Variants in DMD observed in about 807,000 individuals in gnomAD.
The protein encoded by DMD is mutant dystrophin.
Under a neutral mutation model 330.1 loss-of-function variants are expected in DMD, and 63 were observed. The ratio of observed to expected loss-of-function variants is 0.19; its 90% CI spans 0.16 to 0.24. The LOEUF is 0.24. Among genes scored for constraint, DMD ranks in the 10% least tolerant of loss-of-function variants. The probability of loss-of-function intolerance (pLI) is 1.00; values close to 1 mark genes in which losing one functional copy is unlikely to be tolerated. For synonymous variants in DMD, 1,223 were observed against 959.8 expected, an observed-to-expected ratio of 1.27 and a Z score of -5.07; for missense variants, 3,344 against 2,684.1, an observed-to-expected ratio of 1.25 and a Z score of -5.43.
intron 50 of DMD, among the ~76,000 whole-genome samples, chrX:31,802,018 T>C (rs981681858): frequency 4.5e-5 from 5 of 111,240 alleles, no homozygotes; most frequent in Non-Finnish European, 7.5e-5. Flanking sequence ...GCAATGGCTT[T>C]AAAAAACAGA....
intron 55 of DMD, among the ~76,000 whole-genome samples, chrX:31,560,860 T>C (rs2075154391): frequency 1.8e-5 from 2 of 112,582 alleles, no homozygotes; most frequent in African/African-American, 3.2e-5. Context: ...ATATATTACA[T>C]ATAACAATGC....
intron 60 of DMD, among the ~76,000 whole-genome samples, chrX:31,406,065 G>T (rs1396495724): frequency 1.8e-5 from 2 of 112,100 alleles, no homozygotes; most frequent in Non-Finnish European, 3.8e-5. Flanking sequence ...TCATTTACAT[G>T]AGCTCTTGAG....
intron 1 of DMD, among the ~76,000 whole-genome samples, chrX:33,336,576 A>G (rs756769454): frequency 6.2e-4 from 69 of 111,388 alleles, no homozygotes; most frequent in Non-Finnish European, 1.0e-3. Context: ...AAAGAGATAA[A>G]TAATTGTTTT....
chrX:31,338,021 G>C (rs1207074336), intron 61 of DMD, among the ~76,000 whole-genome samples: 1 of 111,074 alleles, frequency 9.0e-6, no homozygotes, highest in Non-Finnish European at 1.9e-5. Context: ...TACTGAGCTG[G>C]TTCACCCAGC....
chrX:32,435,788 A>T (rs2098258934), intron 29 of DMD, among the ~76,000 whole-genome samples: 1 of 111,120 alleles, frequency 9.0e-6, no homozygotes, highest in Admixed American at 9.6e-5. Context: ...ACCCCACTTT[A>T]CCCAGAAGAC....
chrX:33,192,309 A>T (rs912061418), intron 1 of DMD, among the ~76,000 whole-genome samples: 7 of 111,872 alleles, frequency 6.3e-5, no homozygotes, highest in African/African-American at 2.3e-4. Flanking sequence ...TCAAATTAAC[A>T]TTAAAAGACA....
intron 53 of DMD, among the ~76,000 whole-genome samples, chrX:31,673,166 T>C (rs1603444311): frequency 1.8e-5 from 2 of 112,458 alleles, no homozygotes; most frequent in South Asian, 7.3e-4. Flanking sequence ...ACAGCTATTA[T>C]GGTTGCAAGG....
intron 2 of DMD, among the ~76,000 whole-genome samples, chrX:32,956,840 T>A: frequency 9.0e-6 from 1 of 111,424 alleles, no homozygotes; most frequent in East Asian, 2.8e-4. Context: ...CACACCCCAG[T>A]GAAAAACAAC....
intron 49 of DMD, among the ~76,000 whole-genome samples, chrX:31,822,652 GGGTGTGTGTGTGT>G (rs1386117084): frequency 2.2e-4 from 15 of 68,409 alleles, no homozygotes; most frequent in East Asian, 1.2e-3. Flanking sequence ...AAAGGCAGAG[GGGTGTGTGTGTGT>G]GTGTGTGTGT....
intron 15 of DMD, among the ~76,000 whole-genome samples, chrX:32,569,629 A>G (rs915333730): frequency 9.0e-6 from 1 of 111,672 alleles, no homozygotes; most frequent in Non-Finnish European, 1.9e-5. Context: ...TGAATTAATT[A>G]TTTGAGGGCC....
chrX:32,911,513 A>G (rs2087238072), intron 2 of DMD, among the ~76,000 whole-genome samples: 1 of 112,411 alleles, frequency 8.9e-6, no homozygotes, highest in Admixed American at 9.5e-5. Flanking sequence ...ACAGCCTTAA[A>G]GGAATATACA....
chrX:31,930,855 A>G (rs867660213), intron 46 of DMD, among the ~76,000 whole-genome samples: 5 of 112,576 alleles, frequency 4.4e-5, no homozygotes, highest in Middle Eastern at 9.2e-3. Flanking sequence ...AATTTCCAAG[A>G]AAAGACTGAG....
intron 57 of DMD, among the ~76,000 whole-genome samples, chrX:31,481,836 C>T (rs2068311456): frequency 1.8e-5 from 2 of 111,344 alleles, no homozygotes; most frequent in South Asian, 7.6e-4. Context: ...AAGCCCATAC[C>T]TTGGAGACAT....
chrX:31,814,760 T>C (rs1376038850), intron 50 of DMD, among the ~76,000 whole-genome samples: 2 of 111,855 alleles, frequency 1.8e-5, no homozygotes, highest in African/African-American at 6.5e-5. Context: ...GCTGGCTCTT[T>C]GCCTCCATCT....
intron 2 of DMD, among the ~76,000 whole-genome samples, chrX:32,977,522 GA>G (rs1344200527): frequency 9.1e-6 from 1 of 109,453 alleles, no homozygotes; most frequent in Non-Finnish European, 1.9e-5. Context: ...AGTAATTTCA[GA>G]AAAAAAATAA....
chrX:32,840,218 A>C (rs534623274), intron 4 of DMD, among the ~76,000 whole-genome samples: 147 of 111,793 alleles, frequency 1.3e-3, no homozygotes, highest in African/African-American at 4.4e-3. Flanking sequence ...TCTCAAATTT[A>C]AGCCATTATT....
At chrX:31,812,805 T>C (rs2092503160) in intron 50 of DMD, among the ~76,000 whole-genome samples, 1 of 111,794 alleles carries the variant, frequency 8.9e-6, no homozygotes, top group African/African-American at 3.3e-5. Flanking sequence ...TTGGACAAAT[T>C]ATTTAACCTT....
chrX:31,324,609 C>T (rs1380668684), intron 61 of DMD, among the ~76,000 whole-genome samples: 1 of 111,182 alleles, frequency 9.0e-6, no homozygotes, highest in Non-Finnish European at 1.9e-5. Flanking sequence ...AGAATATTAT[C>T]AGAAACAGAA....
At chrX:32,473,615 G>A (rs750253710) in intron 21 of DMD, among the ~76,000 whole-genome samples, 5 of 111,271 alleles carry the variant, frequency 4.5e-5, no homozygotes, top group African/African-American at 1.3e-4. Flanking sequence ...AGATGGTTGC[G>A]ATAATCTTAG....
Sources: allele counts gnomAD v4.1 joint callset (sites outside exome capture counted in the v4.1 genomes callset), GRCh38; gene constraint gnomAD v4.1.1; transcripts MANE v1.5; gene names NCBI Gene and HGNC (gene_info 2026-07-23, HGNC 2026-07-21).